WDFY4: variants seen among roughly 807,000 people sequenced by gnomAD.
WDFY4 encodes the protein WD repeat- and FYVE domain-containing protein 4.
WDFY4 carries 169 observed loss-of-function variants against 351.9 expected under a neutral mutation model. That is an observed-to-expected ratio of 0.48 (90% CI 0.42 to 0.55). The LOEUF (loss-of-function observed/expected upper bound fraction) is 0.55, where lower values mean the gene tolerates loss of function less well. WDFY4 is among the 20% of genes least tolerant of loss of function. The pLI, the probability that WDFY4 is intolerant of heterozygous loss-of-function variation, is 0.00. For missense variants in WDFY4, 3,803 were observed against 3,935.6 expected (o/e 0.97, Z 0.90); for synonymous variants, 1,622 against 1,574.6 (o/e 1.03, Z -0.71).
chr10:48,861,541 T>C lies in WDFY4; in HGVS notation c.6664-5724T>C, dbSNP rs144645818. 2.1e-3 allele frequency among the ~76,000 whole-genome samples: 324 copies of C among 152,318 alleles called. 1 individual carries two copies. Among genetic ancestry groups the C allele is most frequent in the African/African-American group, 6.8e-3 (283 of 41,572 alleles). ...GCCACTTCCTTTTGGACTCCATGGCTTCTGATGAAAAAAATCACTGTTAAT... is the reference window on the plus strand; with the variant it reads ...GCCACTTCCTTTTGGACTCCATGGCCTCTGATGAAAAAAATCACTGTTAAT... On this transcript the variant is annotated intron_variant, in intron 39 of 61. Transcript: ENST00000325239.
At chr10:48,886,401 C>T (rs1249250463) in intron 43 of WDFY4, among the ~76,000 whole-genome samples, 1 of 152,128 alleles carries the variant, frequency 6.6e-6, no homozygotes, top group Non-Finnish European at 1.5e-5. Context: ...GCCATTGTAA[C>T]AGTATTAAGA....
rs778545934 is a variant in WDFY4, at chr10:48,775,786, G to C, written c.2843G>C (p.Arg948Thr). 6.4e-7 allele frequency: 1 copy of C among 1,551,726 alleles called. No individual in the cohort carries two copies. The highest frequency in any genetic ancestry group is 1.2e-5 in the South Asian group (1 of 84,060). Residue 948 changes from arginine to threonine, a missense_variant, in exon 15 of 62, where the codon AGA (arginine) becomes ACA (threonine). This residue lies in a region of WDFY4 where 3,054 missense variants were observed against 3,148.6 expected (regional missense o/e 0.97). Transcript: ENST00000325239. ...TKILDSSHTH[R>T]GNPGCSGSQT... ...ATCCTTGATTCATCTCACACACACAGAGGCAACCCTGGGTGCTCAGGTGAG... is the reference window on the plus strand; with the variant it reads ...ATCCTTGATTCATCTCACACACACACAGGCAACCCTGGGTGCTCAGGTGAG...
intron 2 of WDFY4, among the ~76,000 whole-genome samples, chr10:48,715,814 T>C (rs1057313978): frequency 9.9e-5 from 15 of 151,158 alleles, no homozygotes; most frequent in East Asian, 3.9e-4. Context: ...TTTTCTTTTT[T>C]TTTTTTTTGT....
rs1187196769 is a variant in WDFY4, at chr10:48,743,150, T to C, written c.2061T>C (p.Ala687=). Residue 687 remains alanine (A), a synonymous_variant, in exon 12 of 62, where the codon GCT becomes GCC. Coordinates refer to ENST00000325239, the MANE Select transcript of WDFY4 (RefSeq NM_001394531.1). ...TLELVLYTLC[A]VSAALHWDPV... Reference sequence around the variant, plus strand: ...AGCTGGTTTTGTACACTCTCTGTGCTGTGTCCGCAGCGCTGCACTGGGACC... The same window carrying C: ...AGCTGGTTTTGTACACTCTCTGTGCCGTGTCCGCAGCGCTGCACTGGGACC... 1 of 1,551,718 alleles carries C rather than the reference T, an allele frequency of 6.4e-7. No individual in the cohort carries two copies.
At chr10:48,701,724 C>G (rs2063485562) in intron 1 of WDFY4, among the ~76,000 whole-genome samples, 1 of 152,188 alleles carries the variant, frequency 6.6e-6, no homozygotes, top group Non-Finnish European at 1.5e-5. Flanking sequence ...CAGAACTTGG[C>G]TGGTGGCCCC....
intron 47 of WDFY4, chr10:48,910,055 G>A (rs1402423378): frequency 5.1e-6 from 3 of 590,218 alleles, no homozygotes; most frequent in Non-Finnish European, 9.2e-6. Context: ...CACACAGGTG[G>A]GCTAAAGCTA....
rs61366126 is a variant in WDFY4 at position 48,982,878 on chromosome 10, G to GAA, written c.*313_*314dup. ...TCACCTTATTAAGGGCTATTGCACT[G>GAA]AAAAAAAAAAAGATGGGTCGCTTAC... On this transcript the variant is annotated 3_prime_UTR_variant, in exon 62 of 62. Coordinates refer to ENST00000325239, the MANE Select transcript of WDFY4 (RefSeq NM_001394531.1). 17,732 of 290,568 alleles carry GAA rather than the reference G, an allele frequency of 0.061. 14 individuals carry two copies. Among genetic ancestry groups the GAA allele is most frequent in the South Asian group, 0.12 (3,734 of 32,000 alleles). 18.0% of individuals were successfully genotyped at this position (290,568 alleles called of 1,614,324 possible). A position where few individuals can be genotyped will look rare whatever the true frequency, so the allele number is the denominator to read the frequency against.
chr10:48,936,988 C>T (rs1840415166), intron 47 of WDFY4, among the ~76,000 whole-genome samples: 1 of 151,824 alleles, frequency 6.6e-6, no homozygotes, highest in South Asian at 2.1e-4. Context: ...GGCACGACCT[C>T]GGCTCACTGC....
intron 39 of WDFY4, among the ~76,000 whole-genome samples, chr10:48,847,940 C>A (rs144134959): frequency 6.6e-6 from 1 of 152,146 alleles, no homozygotes; most frequent in African/African-American, 2.4e-5. Context: ...CCTCTTCACC[C>A]GCTCGGAGCG....
At chr10:48,686,511 T>C (rs1207595831) in intron 1 of WDFY4, among the ~76,000 whole-genome samples, 1 of 152,126 alleles carries the variant, frequency 6.6e-6, no homozygotes, top group East Asian at 1.9e-4. Flanking sequence ...GAATTTTGGG[T>C]TTATTGTTCC....
At chr10:48,964,664 T>A (rs6537586) in intron 54 of WDFY4, among the ~76,000 whole-genome samples, 1 of 152,054 alleles carries the variant, frequency 6.6e-6, no homozygotes, top group Non-Finnish European at 1.5e-5. Context: ...GGTGAAATTG[T>A]GAAGTCTCAC....
rs375343310 is a variant in WDFY4 at position 48,966,645 on chromosome 10, G to A, written c.8556G>A (p.Ser2852=). The A allele has an allele frequency of 3.0e-5, 46 of 1,551,724 alleles. No individual in the cohort carries two copies. Among genetic ancestry groups the A allele is most frequent in the East Asian group, 7.3e-5 (3 of 40,914 alleles). ...HPQPFFYSLQ[S]LRPSQVTVKD... is the part of the protein sequence containing the mutation. ...AGCCCTTTTTCTACAGCCTGCAGTC[G>A]CTGAGGCCCTCCCAGGTCACGGTCA... is the stretch of plus-strand genomic sequence containing the variant. The change falls in exon 55 of 62, where the codon TCG becomes TCA. Residue 2852 remains serine, a synonymous_variant. Coordinates refer to ENST00000325239, the MANE Select transcript of WDFY4 (RefSeq NM_001394531.1).
At chr10:48,877,576 G>A (rs2070072035) in intron 43 of WDFY4, among the ~76,000 whole-genome samples, 1 of 152,212 alleles carries the variant, frequency 6.6e-6, no homozygotes, top group South Asian at 2.1e-4. Flanking sequence ...CACCCTGAGA[G>A]GTCCCACACC....
chr10:48,893,474 C>T (rs1027998273), intron 44 of WDFY4, among the ~76,000 whole-genome samples: 1 of 152,230 alleles, frequency 6.6e-6, no homozygotes, highest in Non-Finnish European at 1.5e-5. Flanking sequence ...ATCCAACAGG[C>T]TCTTTGTGAT....
At chr10:48,848,413 T>C (rs1308723708) in intron 39 of WDFY4, among the ~76,000 whole-genome samples, 2 of 152,202 alleles carry the variant, frequency 1.3e-5, no homozygotes, top group Non-Finnish European at 1.5e-5. Flanking sequence ...GTTTACTGGA[T>C]CCTTTGCAAC....
chr10:48,919,036 A>T (rs1056909588), intron 47 of WDFY4, among the ~76,000 whole-genome samples: 20 of 152,240 alleles, frequency 1.3e-4, no homozygotes, highest in African/African-American at 4.8e-4. Flanking sequence ...TTTCAAGTAC[A>T]TATGGAATAT....
intron 55 of WDFY4, 69 bp from the exon 56 acceptor site, chr10:48,968,995 G>T (rs1842214253): frequency 4.0e-6 from 6 of 1,495,920 alleles, no homozygotes; most frequent in Non-Finnish European, 4.5e-6. Flanking sequence ...TGTGACTCCT[G>T]CCTGGGGGCC....
intron 53 of WDFY4, among the ~76,000 whole-genome samples, chr10:48,961,014 T>A (rs1446425602): frequency 6.6e-6 from 1 of 152,250 alleles, no homozygotes. Context: ...GTTACATGAC[T>A]GAATGAATTT....
At chr10:48,892,084 G>A (rs1486212660) in intron 44 of WDFY4, among the ~76,000 whole-genome samples, 2 of 152,184 alleles carry the variant, frequency 1.3e-5, no homozygotes, top group Non-Finnish European at 2.9e-5. Flanking sequence ...TATTGCTCAT[G>A]TTTTATTGAT....
Sources: allele counts gnomAD v4.1 joint callset (sites outside exome capture counted in the v4.1 genomes callset), GRCh38; gene constraint gnomAD v4.1.1; regional missense constraint gnomAD v4.1.1; transcripts MANE v1.5; gene names NCBI Gene and HGNC (gene_info 2026-07-23, HGNC 2026-07-21).